DTNB: variants seen among roughly 807,000 people sequenced by gnomAD.
DTNB encodes the protein dystrobrevin beta.
DTNB carries 63 observed loss-of-function variants against 90.7 expected under a neutral mutation model. That is an observed-to-expected ratio of 0.69 (90% CI 0.57 to 0.86). DTNB has a LOEUF of 0.86. Among genes scored for constraint, DTNB ranks in the 40% least tolerant of loss-of-function variants. The pLI is 0.00. For missense variants in DTNB, 744 were observed against 807.1 expected, an observed-to-expected ratio of 0.92 and a Z score of 0.95; for synonymous variants, 277 against 286.7, an observed-to-expected ratio of 0.97 and a Z score of 0.34.
At chr2:25,540,881 A>G (rs1210514253) in intron 8 of DTNB, among the ~76,000 whole-genome samples, 2 of 152,088 alleles carry the variant, frequency 1.3e-5, no homozygotes, top group Non-Finnish European at 2.9e-5. Context: ...CCTAATCTCA[A>G]GTACCCAGGG....
At chr2:25,453,816 G>C (rs2059617473) in intron 11 of DTNB, among the ~76,000 whole-genome samples, 1 of 152,136 alleles carries the variant, frequency 6.6e-6, no homozygotes, top group African/African-American at 2.4e-5. Flanking sequence ...TTCCCTCCTA[G>C]AGGGTAAGCC....
At chr2:25,467,808 T>A (rs2062074264) in intron 10 of DTNB, among the ~76,000 whole-genome samples, 1 of 152,178 alleles carries the variant, frequency 6.6e-6, no homozygotes, top group African/African-American at 2.4e-5. Context: ...GGTCCGATAG[T>A]AAATATTTTA....
chr2:25,513,852 G>A (rs1188428462), intron 9 of DTNB, among the ~76,000 whole-genome samples: 1 of 151,096 alleles, frequency 6.6e-6, no homozygotes, highest in Non-Finnish European at 1.5e-5. Flanking sequence ...ACTACTATTA[G>A]TAAGTCATGA....
At chr2:25,404,299 G>A (rs139537274) in intron 16 of DTNB, among the ~76,000 whole-genome samples, 2,238 of 152,242 alleles carry the variant, frequency 0.015, 56 homozygotes, top group African/African-American at 0.05. Context: ...ATGGAACAGG[G>A]TTAAGTTTGG....
intron 4 of DTNB, among the ~76,000 whole-genome samples, chr2:25,621,515 C>G (rs2072636932): frequency 6.8e-6 from 1 of 147,174 alleles, no homozygotes; most frequent in African/African-American, 2.5e-5. Flanking sequence ...GGTGTGATCT[C>G]AGCTCACCGC....
chr2:25,571,812 G>A (rs2059910300), intron 8 of DTNB, among the ~76,000 whole-genome samples: 1 of 152,056 alleles, frequency 6.6e-6, no homozygotes, highest in Non-Finnish European at 1.5e-5. Context: ...ATCGGCAGTG[G>A]GGGGTAAAGA....
At chr2:25,598,185 A>G (rs890693210) in intron 5 of DTNB, among the ~76,000 whole-genome samples, 1 of 152,150 alleles carries the variant, frequency 6.6e-6, no homozygotes, top group African/African-American at 2.4e-5. Context: ...AAAGCAGGCC[A>G]CTTGTTCCTT....
chr2:25,669,266 T>G (rs934769295), intron 1 of DTNB, among the ~76,000 whole-genome samples: 4 of 152,240 alleles, frequency 2.6e-5, no homozygotes, highest in African/African-American at 9.6e-5. Context: ...AAATTGTTAT[T>G]TTTATGTTAT....
intron 8 of DTNB, among the ~76,000 whole-genome samples, chr2:25,546,169 A>C (rs140017139): frequency 6.6e-6 from 1 of 152,264 alleles, no homozygotes; most frequent in African/African-American, 2.4e-5. Flanking sequence ...AACATCAACC[A>C]ATCAGAACTA....
chr2:25,417,170 A>G (rs940291277), intron 16 of DTNB, among the ~76,000 whole-genome samples: 4 of 152,162 alleles, frequency 2.6e-5, no homozygotes, highest in Admixed American at 2.0e-4. Flanking sequence ...CACGCTATGG[A>G]CAGTCCTATA....
intron 9 of DTNB, among the ~76,000 whole-genome samples, chr2:25,507,070 T>C (rs1013709363): frequency 6.6e-6 from 1 of 152,186 alleles, no homozygotes; most frequent in African/African-American, 2.4e-5. Flanking sequence ...AATAAGAAAT[T>C]AGTAACATGG....
In DTNB at chr2:25,386,200, C is replaced by G. The variant is rs116579782; in HGVS notation, c.1825+1089G>C. The stretch of plus-strand genomic sequence containing the variant: ...AAGACGAAGCTGGGCTATACACTCA[C>G]TTTGGTCTGTATGAAAACAGGCAGA... On this transcript the variant is annotated intron_variant, in intron 18 of 20. Transcript: ENST00000406818. The G allele has an allele frequency of 1.6e-3, 1,282 of 800,416 alleles. 15 individuals carry two copies. In the African/African-American group the frequency reaches 0.022, roughly 14 times the overall value. 49.6% of individuals were successfully genotyped at this position (800,416 alleles called of 1,614,324 possible).
chr2:25,411,148 C>T (rs907578892), intron 16 of DTNB, among the ~76,000 whole-genome samples: 3 of 151,994 alleles, frequency 2.0e-5, no homozygotes, highest in Non-Finnish European at 2.9e-5. Flanking sequence ...CACCTGAGGT[C>T]AGGAGTTTGA....
At chr2:25,486,232 G>A (rs2066101496) in intron 9 of DTNB, among the ~76,000 whole-genome samples, 2 of 152,166 alleles carry the variant, frequency 1.3e-5, no homozygotes, top group Non-Finnish European at 2.9e-5. Flanking sequence ...GGAGGCCAAG[G>A]CAGGCAGATG....
chr2:25,615,311 T>C (rs958418660), intron 4 of DTNB, among the ~76,000 whole-genome samples: 2 of 152,134 alleles, frequency 1.3e-5, no homozygotes, highest in African/African-American at 4.8e-5. Context: ...GGGTTTTTAA[T>C]AGAGGCTTCA....
intron 8 of DTNB, among the ~76,000 whole-genome samples, chr2:25,536,141 C>T (rs1203459130): frequency 1.3e-5 from 2 of 149,028 alleles, no homozygotes; most frequent in Non-Finnish European, 3.0e-5. Flanking sequence ...ACATCCCAGA[C>T]GATGGGCGGC....
intron 12 of DTNB, among the ~76,000 whole-genome samples, chr2:25,438,444 A>C (rs376409238): frequency 6.6e-6 from 1 of 152,364 alleles, no homozygotes; most frequent in South Asian, 2.1e-4. Context: ...TCTAGACCAT[A>C]CAGGGCCTCT....
At chr2:25,601,088 C>G (rs767190476) in intron 5 of DTNB, among the ~76,000 whole-genome samples, 48 of 152,166 alleles carry the variant, frequency 3.2e-4, no homozygotes, top group Middle Eastern at 3.4e-3. Flanking sequence ...AAAATGATTG[C>G]TAATTCTTAA....
chr2:25,388,140 G>C (rs1299547335), intron 17 of DTNB, 62 bp downstream of exon 17: 36 of 1,536,752 alleles, frequency 2.3e-5, no homozygotes, highest in Non-Finnish European at 3.1e-5. Flanking sequence ...ACCTCAGCAG[G>C]AATCTTGTCC....
Sources: allele counts gnomAD v4.1 joint callset (sites outside exome capture counted in the v4.1 genomes callset), GRCh38; gene constraint gnomAD v4.1.1; transcripts MANE v1.5; gene names NCBI Gene and HGNC (gene_info 2026-07-23, HGNC 2026-07-21).